The following EPHA7 variants were observed in gnomAD, a reference collection of about 807,000 sequenced individuals.
The protein encoded by EPHA7 is ephrin type-A receptor 7.
Under a neutral mutation model 112.6 loss-of-function variants are expected in EPHA7, and 25 were observed. The ratio of observed to expected loss-of-function variants is 0.22; its 90% CI spans 0.16 to 0.31. The LOEUF (loss-of-function observed/expected upper bound fraction) is 0.31, where lower values mean the gene tolerates loss of function less well. Ranked by LOEUF, EPHA7 falls within the 10% of genes least tolerant of loss-of-function variation. The probability of loss-of-function intolerance (pLI) is 1.00; values close to 1 mark genes in which losing one functional copy is unlikely to be tolerated. For synonymous variants in EPHA7, 437 were observed against 406.5 expected, an observed-to-expected ratio of 1.07 and a Z score of -0.90; for missense variants, 962 against 1,212.6, an observed-to-expected ratio of 0.79 and a Z score of 3.07.
intron 3 of EPHA7, among the ~76,000 whole-genome samples, chr6:93,385,750 T>TA (rs1777570431): frequency 6.6e-6 from 1 of 152,098 alleles, no homozygotes; most frequent in Non-Finnish European, 1.5e-5. Flanking sequence ...GATAGATAGA[T>TA]AATTAGTCTA....
At chr6:93,355,597 C>G (rs1053984322) in intron 5 of EPHA7, among the ~76,000 whole-genome samples, 4 of 152,192 alleles carry the variant, frequency 2.6e-5, no homozygotes, top group Non-Finnish European at 5.9e-5. Flanking sequence ...GTTGCATTTA[C>G]TACATAGCAT....
intron 3 of EPHA7, among the ~76,000 whole-genome samples, chr6:93,379,709 A>C (rs1777240188): frequency 6.6e-6 from 1 of 152,030 alleles, no homozygotes; most frequent in Non-Finnish European, 1.5e-5. Flanking sequence ...CATAATCACT[A>C]AAATAACAAT....
At chr6:93,361,889 C>T (rs569326414) in intron 3 of EPHA7, among the ~76,000 whole-genome samples, 11 of 152,016 alleles carry the variant, frequency 7.2e-5, no homozygotes, top group South Asian at 2.1e-4. Context: ...AGTGACATTA[C>T]AAAATATAGC....
rs915525314 is a variant in EPHA7, at chr6:93,306,867, T to A, written c.1325-34445A>T. ...TTGGTCATCATGTGAAATAAATCAA[T>A]TCCCTCTAGAAGGAGAAAAAAACTC... On this transcript the variant is annotated intron_variant, in intron 5 of 16. Coordinates refer to ENST00000369303, the MANE Select transcript of EPHA7 (RefSeq NM_004440.4). 9.2e-5 allele frequency among the ~76,000 whole-genome samples: 14 copies of A among 151,974 alleles called. No individual in the cohort carries two copies. In the East Asian group the frequency reaches 2.7e-3, roughly 29 times the overall value.
chr6:93,303,606 A>G (rs1373678977), intron 5 of EPHA7, among the ~76,000 whole-genome samples: 2 of 152,156 alleles, frequency 1.3e-5, no homozygotes, highest in African/African-American at 4.8e-5. Flanking sequence ...ACAACATGGA[A>G]ATAAATTAAG....
chr6:93,391,901 T>C (rs114039989), intron 3 of EPHA7, among the ~76,000 whole-genome samples: 1,891 of 151,902 alleles, frequency 0.012, 37 homozygotes, highest in African/African-American at 0.043. Flanking sequence ...ACTAAAAATA[T>C]AAACTCTGAG....
At chr6:93,269,078 C>T (rs1771084031) in intron 7 of EPHA7, among the ~76,000 whole-genome samples, 1 of 151,666 alleles carries the variant, frequency 6.6e-6, no homozygotes, top group Non-Finnish European at 1.5e-5. Flanking sequence ...TTCTCTTGTC[C>T]ACCTCACTAC....
At chr6:93,417,066 A>AGGC (rs961687745) in intron 1 of EPHA7, among the ~76,000 whole-genome samples, 1 of 152,084 alleles carries the variant, frequency 6.6e-6, no homozygotes, top group South Asian at 2.1e-4. Context: ...TCTGAGGAAG[A>AGGC]GGCGGCGGCG....
chr6:93,401,369 C>G lies in EPHA7; in HGVS notation c.832+9132G>C, dbSNP rs554589782. On this transcript the variant is annotated intron_variant, in intron 3 of 16. Transcript: ENST00000369303. ...AAATTAAATAATAAACCTTCCATAA[C>G]TCTTAACAAAATCACAGAATATAAG... Among the ~76,000 whole-genome samples, 18 of 152,164 alleles carry G rather than the reference C, an allele frequency of 1.2e-4. No homozygotes were observed. In the South Asian group the frequency reaches 3.7e-3, roughly 32 times the overall value.
In EPHA7 at chr6:93,263,070, G is replaced by C. The variant is rs960405106; in HGVS notation, c.1798+790C>G. 6.0e-5 allele frequency among the ~76,000 whole-genome samples: 9 copies of C among 151,078 alleles called. No individual in the cohort carries two copies. In the Admixed American group the frequency reaches 6.0e-4, roughly 10 times the overall value. On this transcript the variant is annotated intron_variant, in intron 9 of 16. Coordinates refer to ENST00000369303, the MANE Select transcript of EPHA7 (RefSeq NM_004440.4). ...GGTACTACAAAATAATAATAAAATT[G>C]GTTTTTAATATTCTTAAGGATTAAA...
At chr6:93,380,155 C>T (rs1401197128) in intron 3 of EPHA7, among the ~76,000 whole-genome samples, 1 of 151,926 alleles carries the variant, frequency 6.6e-6, no homozygotes, top group African/African-American at 2.4e-5. Flanking sequence ...AGGAGCAGTA[C>T]CCAATTATCT....
In EPHA7 at chr6:93,272,354, C is replaced by T. The variant is rs1334631229; in HGVS notation, c.1393G>A (p.Glu465Lys). 4 of 1,612,192 alleles carry T rather than the reference C, an allele frequency of 2.5e-6. No individual in the cohort carries two copies. The highest frequency in any genetic ancestry group is 1.1e-5 in the South Asian group (1 of 91,052). The change falls in exon 6 of 17, where the codon GAA becomes AAA. Residue 465 changes from glutamate (E) to lysine (K), a missense_variant. Physicochemically the swap from Glu to Lys is moderately conservative, Grantham distance 56 (BLOSUM62 1). Around this residue, in one of 3 missense-constraint regions of EPHA7, gnomAD observed 746 missense variants for 889.2 expected, o/e 0.84. Transcript: ENST00000369303. ...ATGACTCCATTGGGATGCTCTGGTT[C>T]CTGCCAGGAAAGCTCGACACTCCGC... ...LQRSVELSWQ[E>K]PEHPNGVITE...
At chr6:93,417,874 G>C (rs1779320616) in intron 1 of EPHA7, among the ~76,000 whole-genome samples, 1 of 152,076 alleles carries the variant, frequency 6.6e-6, no homozygotes, top group South Asian at 2.1e-4. Context: ...GGGGTCAGAA[G>C]GTCAGGCTGA....
chr6:93,243,468 T>A lies in EPHA7; in HGVS notation c.2955A>T (p.Arg985Ser). ...KKIMSSIQTM[R>S]AQMLHLHGTG... ...TTCCATGTAAATGTAGCATTTGTGC[T>A]CTCATAGTCTGAATGCTGCTCATGA... The change falls in exon 17 of 17, where the codon AGA becomes AGT. Residue 985 changes from arginine (R) to serine (S), a missense_variant. By Grantham distance (110) the Arg-to-Ser change is moderately radical. This residue lies in a region of EPHA7 where 746 missense variants were observed against 889.2 expected (regional missense o/e 0.84). Coordinates refer to ENST00000369303, the MANE Select transcript of EPHA7 (RefSeq NM_004440.4). The A allele has an allele frequency of 6.2e-7, 1 of 1,613,576 alleles. No homozygotes were observed. Among genetic ancestry groups the A allele is most frequent in the Non-Finnish European group, 8.5e-7 (1 of 1,179,606 alleles).
intron 14 of EPHA7, among the ~76,000 whole-genome samples, chr6:93,250,283 G>C (rs749290466): frequency 1.3e-5 from 2 of 151,982 alleles, no homozygotes; most frequent in Non-Finnish European, 2.9e-5. Flanking sequence ...TGAACTTTGA[G>C]GTTCTGCAGT....
intron 3 of EPHA7, among the ~76,000 whole-genome samples, chr6:93,377,593 T>C (rs185848421): frequency 8.8e-4 from 133 of 151,888 alleles, no homozygotes; most frequent in Non-Finnish European, 1.6e-3. Context: ...GACAGAACTA[T>C]TGTTATTTCC....
At chr6:93,368,818 G>T (rs949046418) in intron 3 of EPHA7, among the ~76,000 whole-genome samples, 5 of 152,048 alleles carry the variant, frequency 3.3e-5, no homozygotes. Flanking sequence ...TAGCTGTTTG[G>T]TGAAGACTCT....
chr6:93,278,639 TTAGA>T (rs921832571), intron 5 of EPHA7, among the ~76,000 whole-genome samples: 25 of 152,192 alleles, frequency 1.6e-4, no homozygotes, highest in African/African-American at 5.8e-4. Flanking sequence ...ATTTGCAACA[TTAGA>T]TAGATAGACA....
intron 1 of EPHA7, 94 bp downstream of exon 1, chr6:93,419,151 A>G (rs909088175): frequency 3.1e-5 from 31 of 1,016,338 alleles, no homozygotes; most frequent in Non-Finnish European, 4.2e-5. Flanking sequence ...CCGGCGCCGG[A>G]GGCGCGGCCG....
Sources: gnomAD v4.1 joint callset for allele counts (sites outside exome capture counted in the v4.1 genomes callset) on GRCh38, gnomAD v4.1.1 for gene constraint, gnomAD v4.1.1 regional missense constraint, MANE v1.5 for transcripts, NCBI Gene and HGNC (gene_info 2026-07-23, HGNC 2026-07-21) for gene names.